The following SDK1 variants were observed in gnomAD, a reference collection of about 807,000 sequenced individuals.
SDK1 encodes sidekick cell adhesion molecule 1, also known as protein sidekick-1.
In SDK1, 157 loss-of-function variants were observed where a neutral mutation model predicts 245.5. The ratio of observed to expected loss-of-function variants is 0.64; its 90% confidence interval spans 0.56 to 0.73. SDK1 has a LOEUF of 0.73. Among genes scored for constraint, SDK1 ranks in the 30% least tolerant of loss-of-function variants. The probability of loss-of-function intolerance (pLI) is 0.00; values close to 1 mark genes in which losing one functional copy is unlikely to be tolerated. For synonymous variants in SDK1, 1,647 were observed against 1,278.5 expected, an observed-to-expected ratio of 1.29 and a Z score of -6.15; for missense variants, 3,583 against 3,002.3, an observed-to-expected ratio of 1.19 and a Z score of -4.52.
chr7:3,790,619 C>A (rs565321273), intron 4 of SDK1, among the ~76,000 whole-genome samples: 1 of 152,136 alleles, frequency 6.6e-6, no homozygotes, highest in African/African-American at 2.4e-5. Context: ...ATAACCCTGA[C>A]CAACATGGTG....
rs183823091 is a variant in SDK1 at position 4,050,610 on chromosome 7, G to A, written c.2719-1028G>A. On this transcript the variant is annotated intron_variant, in intron 18 of 44. Coordinates refer to ENST00000404826, the MANE Select transcript of SDK1 (RefSeq NM_152744.4). ...CGTAATGCTGCCAAAACATGAACACGCTTTCCTTAGGTTGTGGATACAGTC... is the reference window on the plus strand; with the variant it reads ...CGTAATGCTGCCAAAACATGAACACACTTTCCTTAGGTTGTGGATACAGTC... Among the ~76,000 whole-genome samples, 10 of 152,204 alleles carry A rather than the reference G, an allele frequency of 6.6e-5. No individual in the cohort carries two copies. The East Asian group carries it at 9.7e-4, about 15-fold the overall frequency.
chr7:4,105,270 A>G (rs982774536), intron 22 of SDK1, among the ~76,000 whole-genome samples: 5 of 151,970 alleles, frequency 3.3e-5, no homozygotes, highest in Admixed American at 3.3e-4. Flanking sequence ...GGTGTGAGCC[A>G]CCGCGCCTGG....
chr7:3,797,846 A>G (rs558913162), intron 4 of SDK1, among the ~76,000 whole-genome samples: 402 of 152,188 alleles, frequency 2.6e-3, no homozygotes, highest in Non-Finnish European at 4.7e-3. Flanking sequence ...TATATCCACT[A>G]TGGTCTGTCT....
At chr7:3,411,849 T>C (rs1157401874) in intron 1 of SDK1, among the ~76,000 whole-genome samples, 1 of 152,188 alleles carries the variant, frequency 6.6e-6, no homozygotes, top group East Asian at 1.9e-4. Flanking sequence ...GTTGGGACTT[T>C]GTTCACTAGG....
At chr7:4,074,023 G>GC (rs1422245239) in intron 20 of SDK1, among the ~76,000 whole-genome samples, 1 of 152,288 alleles carries the variant, frequency 6.6e-6, no homozygotes, top group East Asian at 1.9e-4. Flanking sequence ...TGGGCAGGGG[G>GC]CCGTAGGTGT....
chr7:4,252,495 G>A (rs1284213116), intron 44 of SDK1, among the ~76,000 whole-genome samples: 1 of 151,998 alleles, frequency 6.6e-6, no homozygotes, highest in African/African-American at 2.4e-5. Flanking sequence ...CTTTGCTATT[G>A]TAAATAGTGC....
chr7:3,759,648 GGA>G (rs1257454574), intron 4 of SDK1, among the ~76,000 whole-genome samples: 1 of 151,436 alleles, frequency 6.6e-6, no homozygotes, highest in African/African-American at 2.4e-5. Context: ...CGCCCAGGCT[GGA>G]GTGCAGCCTT....
intron 1 of SDK1, among the ~76,000 whole-genome samples, chr7:3,430,700 G>A (rs934508287): frequency 2.0e-5 from 3 of 152,182 alleles, no homozygotes; most frequent in East Asian, 3.9e-4. Flanking sequence ...ACTGGAGTTC[G>A]TTAGGTATCC....
intron 4 of SDK1, among the ~76,000 whole-genome samples, chr7:3,820,956 G>A (rs528642569): frequency 7.2e-5 from 11 of 152,344 alleles, no homozygotes; most frequent in Admixed American, 5.2e-4. Flanking sequence ...GCAGCACTGT[G>A]CCCATTGGCG....
intron 1 of SDK1, among the ~76,000 whole-genome samples, chr7:3,584,878 C>A (rs1222143992): frequency 6.6e-6 from 1 of 152,034 alleles, no homozygotes; most frequent in East Asian, 1.9e-4. Flanking sequence ...TGCCTGCCAT[C>A]ACACCTGGCT....
chr7:3,782,469 G>C (rs1243723190), intron 4 of SDK1, among the ~76,000 whole-genome samples: 1 of 152,176 alleles, frequency 6.6e-6, no homozygotes, highest in Non-Finnish European at 1.5e-5. Context: ...ACAGGAAGCA[G>C]AGTTCTCCAA....
intron 1 of SDK1, among the ~76,000 whole-genome samples, chr7:3,416,163 C>T (rs1052278398): frequency 2.0e-5 from 3 of 152,096 alleles, no homozygotes; most frequent in Non-Finnish European, 4.4e-5. Context: ...GATTATGGAT[C>T]GTATAAATCT....
Position 3,822,770 on chromosome 7 carries a change from A to G in SDK1, c.847+1187A>G, listed in dbSNP as rs116239041. ...GCAGAAAGAATGAAATTCCATCTCA[A>G]AAAGAAAAAAAAAAAAAAGAAAAGT... On this transcript the variant is annotated intron_variant, in intron 5 of 44. Coordinates refer to ENST00000404826, the MANE Select transcript of SDK1 (RefSeq NM_152744.4). 5.6e-3 allele frequency among the ~76,000 whole-genome samples: 845 copies of G among 151,986 alleles called. 9 individuals are homozygous for G. The highest frequency in any genetic ancestry group is 0.019 in the African/African-American group (794 of 41,380).
chr7:4,201,064 C>T (rs1783852869), intron 35 of SDK1, among the ~76,000 whole-genome samples: 1 of 152,180 alleles, frequency 6.6e-6, no homozygotes, highest in Admixed American at 6.5e-5. Context: ...CACTGGGCAC[C>T]ATGTCCTTTG....
intron 25 of SDK1, among the ~76,000 whole-genome samples, 154 bp downstream of exon 25, chr7:4,114,428 G>T (rs1005495960): frequency 6.6e-6 from 1 of 152,088 alleles, no homozygotes; most frequent in Admixed American, 6.5e-5. Flanking sequence ...GGCCAGACTC[G>T]GCAGGAATTT....
intron 4 of SDK1, among the ~76,000 whole-genome samples, chr7:3,655,431 A>AAAAAC (rs1340927989): frequency 4.4e-5 from 6 of 136,194 alleles, no homozygotes; most frequent in East Asian, 4.4e-4. Context: ...GCAACTGTCT[A>AAAAAC]AAAACAAAAC....
At chr7:3,661,430 G>C (rs542094001) in intron 4 of SDK1, among the ~76,000 whole-genome samples, 1 of 152,284 alleles carries the variant, frequency 6.6e-6, no homozygotes, top group African/African-American at 2.4e-5. Context: ...CTGATCCTCT[G>C]TTGTGAGTGG....
At position 3,663,056 on chromosome 7, in the gene SDK1, A is replaced by G. The variant is rs1029159451; in HGVS notation, c.713+20951A>G. On this transcript the variant is annotated intron_variant, in intron 4 of 44. Coordinates refer to ENST00000404826, the MANE Select transcript of SDK1 (RefSeq NM_152744.4). ...TGTATGTATCAATCAGATAGTACACATATTTGATCTCATTTTGGACTTTGA... is the reference window on the plus strand; with the variant it reads ...TGTATGTATCAATCAGATAGTACACGTATTTGATCTCATTTTGGACTTTGA... 5.9e-5 allele frequency among the ~76,000 whole-genome samples: 9 copies of G among 152,374 alleles called. No homozygotes were observed. The Middle Eastern group carries it at 0.01, about 173-fold the overall frequency.
chr7:3,769,021 G>C (rs890439183), intron 4 of SDK1, among the ~76,000 whole-genome samples: 1 of 152,154 alleles, frequency 6.6e-6, no homozygotes, highest in Admixed American at 6.5e-5. Flanking sequence ...ATTATGCCAC[G>C]TTCTCTTGGT....
Sources: gnomAD v4.1 joint callset for allele counts (sites outside exome capture counted in the v4.1 genomes callset) on GRCh38, gnomAD v4.1.1 for gene constraint, MANE v1.5 for transcripts, NCBI Gene and HGNC (gene_info 2026-07-23, HGNC 2026-07-21) for gene names.